The following IMMP2L variants were observed in gnomAD, a reference collection of about 807,000 sequenced individuals.
IMMP2L encodes mitochondrial inner membrane protease subunit 2.
In IMMP2L, 18 loss-of-function variants were observed where a neutral mutation model predicts 19.3. The observed-to-expected ratio is 0.93, with a 90% confidence interval of 0.64 to 1.38. The LOEUF is 1.38. Among genes scored for constraint, IMMP2L ranks in the 40% most tolerant of loss-of-function variants. The pLI is 0.00. For synonymous variants in IMMP2L, 76 were observed against 73.0 expected, an observed-to-expected ratio of 1.04 and a Z score of -0.21; for missense variants, 233 against 218.2, an observed-to-expected ratio of 1.07 and a Z score of -0.43.
chr7:111,450,186 T>C (rs1209931739), intron 3 of IMMP2L, among the ~76,000 whole-genome samples: 5 of 151,352 alleles, frequency 3.3e-5, no homozygotes, highest in African/African-American at 1.2e-4. Context: ...CCAATGACTT[T>C]CTTCACAGAA....
At chr7:111,267,486 G>A (rs1239574394) in intron 3 of IMMP2L, among the ~76,000 whole-genome samples, 2 of 152,022 alleles carry the variant, frequency 1.3e-5, no homozygotes, top group Non-Finnish European at 2.9e-5. Flanking sequence ...TGCTAGGAGC[G>A]CTAGTCTCCC....
chr7:111,149,806 T>A (rs1803875441), intron 3 of IMMP2L, among the ~76,000 whole-genome samples: 1 of 152,040 alleles, frequency 6.6e-6, no homozygotes, highest in Admixed American at 6.6e-5. Flanking sequence ...GCTATTTGAG[T>A]CATCTACAAT....
chr7:110,852,420 A>G (rs989869390), intron 5 of IMMP2L, among the ~76,000 whole-genome samples: 1 of 152,088 alleles, frequency 6.6e-6, no homozygotes, highest in Non-Finnish European at 1.5e-5. Flanking sequence ...AAGTCCTTGC[A>G]GGGCAACATG....
At chr7:111,332,183 A>T (rs1019491008) in intron 3 of IMMP2L, among the ~76,000 whole-genome samples, 3 of 151,922 alleles carry the variant, frequency 2.0e-5, no homozygotes, top group Admixed American at 6.6e-5. Flanking sequence ...GTTAGTAAAG[A>T]AATAAGTATA....
chr7:110,784,386 T>C (rs930363558), intron 5 of IMMP2L, among the ~76,000 whole-genome samples: 2 of 151,932 alleles, frequency 1.3e-5, no homozygotes, highest in Admixed American at 1.3e-4. Context: ...TCCCCTCCCC[T>C]TCCACATTCA....
chr7:110,827,122 A>G (rs1487987860), intron 5 of IMMP2L, among the ~76,000 whole-genome samples: 1 of 152,128 alleles, frequency 6.6e-6, no homozygotes, highest in Non-Finnish European at 1.5e-5. Context: ...TTGACCTCAA[A>G]TACCCCTTGA....
Position 110,885,732 on chromosome 7 carries a change from G to A in IMMP2L, c.408+861C>T, listed in dbSNP as rs368389193. ...TTAAGCTAAAGGCACTTGACAAACA[G>A]CAGATGTAAGAAGGGCATTCTAATC... On this transcript the variant is annotated intron_variant, in intron 5 of 5. Coordinates refer to ENST00000405709, the MANE Select transcript of IMMP2L (RefSeq NM_032549.4). Among the ~76,000 whole-genome samples the A allele has an allele frequency of 8.3e-4, 126 of 152,092 alleles. 1 individual carries two copies. The highest frequency in any genetic ancestry group is 3.0e-3 in the African/African-American group (123 of 41,534).
chr7:111,452,716 T>A (rs564984470), intron 3 of IMMP2L, among the ~76,000 whole-genome samples: 5 of 152,164 alleles, frequency 3.3e-5, no homozygotes, highest in Non-Finnish European at 7.4e-5. Flanking sequence ...GTAGAGGAAA[T>A]AAAACTAAGG....
At position 110,803,431 on chromosome 7, in the gene IMMP2L, A is replaced by G. The variant is rs1289050574; in HGVS notation, c.408+83162T>C. Among the ~76,000 whole-genome samples the G allele has an allele frequency of 6.6e-6, 1 of 152,138 alleles. No individual in the cohort carries two copies. The highest frequency in any genetic ancestry group is 1.5e-5 in the Non-Finnish European group (1 of 68,016). On this transcript the variant is annotated intron_variant, in intron 5 of 5. Transcript: ENST00000405709. The surrounding 1 kb of genome is among the most constrained non-coding windows in gnomAD (Gnocchi z 4.2). ...TGCAGTATGGGGTCTCTGGAAAGGC[A>G]GACTCTGAAACAGAATTTAGTGTTT...
At chr7:111,349,486 G>A (rs1350682515) in intron 3 of IMMP2L, among the ~76,000 whole-genome samples, 2 of 152,218 alleles carry the variant, frequency 1.3e-5, no homozygotes, top group East Asian at 3.9e-4. Flanking sequence ...ATTTACATCA[G>A]GTGCCTTTCT....
At chr7:111,223,164 T>C (rs1381064074) in intron 3 of IMMP2L, among the ~76,000 whole-genome samples, 1 of 151,998 alleles carries the variant, frequency 6.6e-6, no homozygotes, top group Non-Finnish European at 1.5e-5. Flanking sequence ...AAAATATGCA[T>C]TATGGAAAAA....
intron 5 of IMMP2L, among the ~76,000 whole-genome samples, chr7:110,693,728 G>A (rs1793671633): frequency 6.6e-6 from 1 of 152,116 alleles, no homozygotes. Flanking sequence ...CTGAGTACAG[G>A]GCAAACCAAA....
intron 4 of IMMP2L, among the ~76,000 whole-genome samples, chr7:110,960,872 A>G (rs941163338): frequency 6.6e-6 from 1 of 152,050 alleles, no homozygotes; most frequent in African/African-American, 2.4e-5. Context: ...AAATGTGCAA[A>G]TGATCTGAAC....
intron 3 of IMMP2L, among the ~76,000 whole-genome samples, chr7:111,042,346 AT>A (rs1329518893): frequency 3.3e-5 from 5 of 151,976 alleles, no homozygotes; most frequent in African/African-American, 1.2e-4. Context: ...CACCCAGCTA[AT>A]TTTTGTATTT....
intron 3 of IMMP2L, among the ~76,000 whole-genome samples, chr7:111,379,034 T>G (rs1034852840): frequency 1.3e-5 from 2 of 151,812 alleles, no homozygotes; most frequent in Non-Finnish European, 2.9e-5. Flanking sequence ...TTATAATATT[T>G]ATTAAAAGGC....
intron 3 of IMMP2L, among the ~76,000 whole-genome samples, chr7:111,165,845 G>A (rs1805760484): frequency 6.6e-6 from 1 of 151,942 alleles, no homozygotes; most frequent in Non-Finnish European, 1.5e-5. Context: ...TGAAGGCCAA[G>A]CCCCCGGCAA....
chr7:111,269,452 C>T (rs1211048415), intron 3 of IMMP2L, among the ~76,000 whole-genome samples: 4 of 151,914 alleles, frequency 2.6e-5, no homozygotes, highest in Non-Finnish European at 5.9e-5. Context: ...GTGGCAAGTA[C>T]AAAAATTATA....
chr7:111,208,788 T>C (rs1365788274), intron 3 of IMMP2L, among the ~76,000 whole-genome samples: 1 of 152,152 alleles, frequency 6.6e-6, no homozygotes, highest in Non-Finnish European at 1.5e-5. Flanking sequence ...GATTTACTTT[T>C]TTTTCTTCAA....
chr7:111,445,393 G>GA (rs561848657), intron 3 of IMMP2L, among the ~76,000 whole-genome samples: 11 of 148,832 alleles, frequency 7.4e-5, no homozygotes, highest in Non-Finnish European at 1.3e-4. Flanking sequence ...CTAGAAGAAT[G>GA]AAAAAAAAAT....
Sources: allele counts gnomAD v4.1 joint callset (sites outside exome capture counted in the v4.1 genomes callset), GRCh38; gene constraint gnomAD v4.1.1; non-coding constraint Gnocchi (gnomAD v3.1); transcripts MANE v1.5; gene names NCBI Gene and HGNC (gene_info 2026-07-23, HGNC 2026-07-21).